Variants in BNC2 observed in about 807,000 individuals in gnomAD.
BNC2 encodes the protein basonuclin zinc finger protein 2.
A neutral mutation model predicts 76.3 loss-of-function variants in BNC2; 20 were observed. The ratio of observed to expected loss-of-function variants is 0.26; its 90% CI spans 0.18 to 0.38. The LOEUF (loss-of-function observed/expected upper bound fraction) is 0.38. Ranked by LOEUF, BNC2 falls within the 10% of genes least tolerant of loss-of-function variation. The pLI, the probability that BNC2 is intolerant of heterozygous loss-of-function variation, is 1.00. For missense variants in BNC2, 1,382 were observed against 1,399.8 expected, an observed-to-expected ratio of 0.99 and a Z score of 0.20; for synonymous variants, 582 against 514.8, an observed-to-expected ratio of 1.13 and a Z score of -1.77.
intron 1 of BNC2, among the ~76,000 whole-genome samples, chr9:16,848,902 T>C (rs985464481): frequency 6.6e-6 from 1 of 152,224 alleles, no homozygotes; most frequent in African/African-American, 2.4e-5. Context: ...TGTAAAAATA[T>C]ACAAAATTAC....
chr9:16,572,491 GCAC>G (rs1018760361), intron 4 of BNC2, among the ~76,000 whole-genome samples: 66 of 152,290 alleles, frequency 4.3e-4, no homozygotes, highest in African/African-American at 1.2e-3. Flanking sequence ...TTTGTTCCAT[GCAC>G]CACATGAGAT....
In BNC2 at chr9:16,424,337, A is replaced by T. The variant is rs1820764427; in HGVS notation, c.2640-4688T>A. 2.0e-5 allele frequency among the ~76,000 whole-genome samples: 3 copies of T among 152,122 alleles called. No homozygotes were observed. In the South Asian group the frequency reaches 6.2e-4, roughly 32 times the overall value. On this transcript the variant is annotated intron_variant, in intron 6 of 6. Coordinates refer to ENST00000380672, the MANE Select transcript of BNC2 (RefSeq NM_017637.6). The stretch of plus-strand genomic sequence containing the variant: ...TGTGGCAGTCAGAGACTGAATAATG[A>T]ACCAAGCTATAGGTTGCATGAAGTG...
chr9:16,702,097 T>TA (rs1466009107), intron 3 of BNC2, among the ~76,000 whole-genome samples: 1 of 152,180 alleles, frequency 6.6e-6, no homozygotes, highest in Non-Finnish European at 1.5e-5. Context: ...AACTACCCTT[T>TA]AGGCATTCTG....
chr9:16,583,374 C>T (rs926836880), intron 3 of BNC2, among the ~76,000 whole-genome samples: 4 of 152,134 alleles, frequency 2.6e-5, no homozygotes, highest in South Asian at 2.1e-4. Flanking sequence ...ACCGGATTTA[C>T]GACATCACAA....
At chr9:16,836,311 G>A (rs544027722) in intron 1 of BNC2, among the ~76,000 whole-genome samples, 7 of 151,980 alleles carry the variant, frequency 4.6e-5, no homozygotes, top group South Asian at 2.1e-4. Flanking sequence ...ATCAGAGGTC[G>A]TTTTTTTAGG....
chr9:16,485,129 C>T (rs561072740), intron 5 of BNC2, among the ~76,000 whole-genome samples: 18 of 143,246 alleles, frequency 1.3e-4, no homozygotes, highest in African/African-American at 4.2e-4. Flanking sequence ...CACACACACA[C>T]ACTATTTCTA....
At chr9:16,649,453 T>C (rs1821731768) in intron 3 of BNC2, among the ~76,000 whole-genome samples, 1 of 152,186 alleles carries the variant, frequency 6.6e-6, no homozygotes, top group African/African-American at 2.4e-5. Context: ...GCTTTTCTTA[T>C]GAACTATCAC....
intron 5 of BNC2, among the ~76,000 whole-genome samples, chr9:16,487,543 T>C (rs1319583355): frequency 6.6e-6 from 1 of 152,234 alleles, no homozygotes; most frequent in African/African-American, 2.4e-5. Flanking sequence ...TAAACTGTTT[T>C]AGCAGAACAA....
In BNC2 at chr9:16,410,770, G is replaced by A. The variant is rs187779920; in HGVS notation, c.*8219C>T. ...AAAGGGTGGGATTGAGAAAGACAAT[G>A]GAAAAGTCAGAGGAGATTAAGATAC... is the stretch of plus-strand genomic sequence containing the variant. On this transcript the variant is annotated 3_prime_UTR_variant, in exon 7 of 7. Coordinates refer to ENST00000380672, the MANE Select transcript of BNC2 (RefSeq NM_017637.6). 6 of 152,044 alleles carry A rather than the reference G, an allele frequency of 3.9e-5. No individual in the cohort carries two copies. Among genetic ancestry groups the A allele is most frequent in the African/African-American group, 1.5e-4 (6 of 41,362 alleles). 9.4% of individuals were successfully genotyped at this position (152,044 alleles called of 1,614,324 possible).
rs78805580 is a variant in BNC2, at chr9:16,789,587, T to A, written c.4-51102A>T. Among the ~76,000 whole-genome samples, 21 of 152,268 alleles carry A rather than the reference T, an allele frequency of 1.4e-4. No individual in the cohort carries two copies. The East Asian group carries it at 4.1e-3, about 29-fold the overall frequency. ...TTAATTCCTAAGTCCTCCAGGCATG[T>A]CTCCCTGCTTCTCCCACCTCTCATA... On this transcript the variant is annotated intron_variant, in intron 1 of 6. Coordinates refer to ENST00000380672, the MANE Select transcript of BNC2 (RefSeq NM_017637.6).
chr9:16,829,591 A>G (rs1818533837), intron 1 of BNC2, among the ~76,000 whole-genome samples: 1 of 152,172 alleles, frequency 6.6e-6, no homozygotes, highest in Non-Finnish European at 1.5e-5. Flanking sequence ...CTTAGTTCCT[A>G]TTCTCAGGGG....
chr9:16,708,018 C>T (rs1823728596), intron 3 of BNC2, among the ~76,000 whole-genome samples: 1 of 152,106 alleles, frequency 6.6e-6, no homozygotes, highest in Non-Finnish European at 1.5e-5. Flanking sequence ...GAGCATGCTA[C>T]AAATACCACG....
chr9:16,413,522 A>T lies in BNC2; in HGVS notation c.*5467T>A, dbSNP rs1820519990. 6.6e-6 allele frequency: 1 copy of T among 152,240 alleles called. No individual in the cohort carries two copies. The highest frequency in any genetic ancestry group is 2.4e-5 in the African/African-American group (1 of 41,464). The allele number at this position is 152,240 out of a possible 1,614,324, so 9.4% of individuals were successfully genotyped here. ...AGTTATTGCCGAATGAGCACAGAAA[A>T]TCATTTTGCGCAAGATGTGGGAAGG... On this transcript the variant is annotated 3_prime_UTR_variant, in exon 7 of 7. Coordinates refer to ENST00000380672, the MANE Select transcript of BNC2 (RefSeq NM_017637.6).
chr9:16,560,121 C>T (rs1818964691), intron 4 of BNC2, among the ~76,000 whole-genome samples: 2 of 152,272 alleles, frequency 1.3e-5, no homozygotes, highest in South Asian at 4.1e-4. Context: ...GGGCCACCTC[C>T]CCCAGAGTTT....
intron 5 of BNC2, among the ~76,000 whole-genome samples, chr9:16,454,582 G>T (rs1821408739): frequency 6.6e-6 from 1 of 152,192 alleles, no homozygotes; most frequent in Admixed American, 6.5e-5. Flanking sequence ...GGGATTACAG[G>T]CGTGAGCCAC....
intron 1 of BNC2, among the ~76,000 whole-genome samples, chr9:16,869,017 T>A (rs868377263): frequency 4.6e-5 from 7 of 152,112 alleles, no homozygotes; most frequent in Non-Finnish European, 1.0e-4. Context: ...CATTAGGATA[T>A]AGGAATACAT....
In BNC2 at chr9:16,461,700, C is replaced by T. The variant is rs1217725280; in HGVS notation, c.670-24176G>A. ...ACACGCTGCATCACCAGGGACTGCT[C>T]GCTCCAGTGATTCAAGGAGGTTACA... On this transcript the variant is annotated intron_variant, in intron 5 of 6. Transcript: ENST00000380672. Among the ~76,000 whole-genome samples the T allele has an allele frequency of 9.9e-5, 15 of 152,086 alleles. No homozygotes were observed. The East Asian group carries it at 2.7e-3, about 27-fold the overall frequency.
chr9:16,588,634 A>C (rs1819837331), intron 3 of BNC2, among the ~76,000 whole-genome samples: 2 of 152,250 alleles, frequency 1.3e-5, no homozygotes, highest in Non-Finnish European at 2.9e-5. Context: ...AGAATAATTT[A>C]GTAAAAAAAC....
At chr9:16,814,380 C>T (rs185162219) in intron 1 of BNC2, among the ~76,000 whole-genome samples, 23 of 152,202 alleles carry the variant, frequency 1.5e-4, no homozygotes, top group African/African-American at 5.5e-4. Flanking sequence ...ATACAACAGA[C>T]GTTTTCCTTC....
Sources: allele counts gnomAD v4.1 joint callset (sites outside exome capture counted in the v4.1 genomes callset), GRCh38; gene constraint gnomAD v4.1.1; transcripts MANE v1.5; gene names NCBI Gene and HGNC (gene_info 2026-07-23, HGNC 2026-07-21).